GAS7: variants seen among roughly 807,000 people sequenced by gnomAD.
GAS7 encodes growth arrest-specific protein 7.
GAS7 carries 28 observed loss-of-function variants against 71.1 expected under a neutral mutation model. The observed-to-expected ratio is 0.39, with a 90% CI of 0.29 to 0.54. The LOEUF (loss-of-function observed/expected upper bound fraction) is 0.54. GAS7 is among the 20% of genes least tolerant of loss of function. GAS7 has a pLI of 0.62. For synonymous variants in GAS7, 258 were observed against 245.8 expected, an observed-to-expected ratio of 1.05 and a Z score of -0.46; for missense variants, 436 against 627.8, an observed-to-expected ratio of 0.69 and a Z score of 3.27.
At chr17:10,106,003 G>A (rs1567593955) in intron 1 of GAS7, among the ~76,000 whole-genome samples, 1 of 152,056 alleles carries the variant, frequency 6.6e-6, no homozygotes, top group African/African-American at 2.4e-5. Context: ...CCACCCAGGC[G>A]GGGCCTTTAT....
chr17:9,917,830 A>G (rs556225755), intron 13 of GAS7, among the ~76,000 whole-genome samples, 171 bp downstream of exon 13: 59 of 152,364 alleles, frequency 3.9e-4, no homozygotes, highest in African/African-American at 1.4e-3. Flanking sequence ...CGTCCAGGAC[A>G]ATCCTGAGAG....
intron 2 of GAS7, among the ~76,000 whole-genome samples, chr17:9,991,399 G>A (rs1388492293): frequency 6.6e-6 from 1 of 152,212 alleles, no homozygotes. Flanking sequence ...CAATCTTGGT[G>A]GGGAGCAGGG....
intron 2 of GAS7, among the ~76,000 whole-genome samples, chr17:10,008,100 T>C (rs906975569): frequency 6.6e-5 from 10 of 152,238 alleles, no homozygotes; most frequent in African/African-American, 2.4e-4. Flanking sequence ...TACCATTGTA[T>C]GGCTAAAACC....
intron 10 of GAS7, 26 bp from the exon 11 acceptor site, chr17:9,925,625 T>C: frequency 6.2e-7 from 1 of 1,613,856 alleles, no homozygotes; most frequent in Non-Finnish European, 8.5e-7. Flanking sequence ...ACGGAGAAGC[T>C]GCTCATACAG....
At position 10,198,349 on chromosome 17, in the gene GAS7, C is replaced by T. The variant is rs1429581590; in HGVS notation, c.42G>A (p.Gly14=). 1 of 1,598,538 alleles carries T rather than the reference C, an allele frequency of 6.3e-7. No homozygotes were observed. Reference sequence around the variant, plus strand: ...AGCGCAGCCCCTGGCCGTGCCGCTCCCCGGAGAAGGGGTACAGGGTCCGGC... The same window carrying T: ...AGCGCAGCCCCTGGCCGTGCCGCTCTCCGGAGAAGGGGTACAGGGTCCGGC... ...ARCRTLYPFS[G]ERHGQGLRFA... is the part of the protein sequence containing the mutation. The change falls in exon 1 of 14, where the codon GGG becomes GGA. Residue 14 remains glycine, a synonymous_variant. Coordinates refer to ENST00000432992, the MANE Select transcript of GAS7 (RefSeq NM_201433.2).
intron 1 of GAS7, among the ~76,000 whole-genome samples, chr17:10,031,429 G>C (rs376296503): frequency 6.6e-6 from 1 of 152,314 alleles, no homozygotes; most frequent in South Asian, 2.1e-4. Flanking sequence ...AGTCTCCGGG[G>C]GGACAAGGAT....
chr17:10,126,419 C>A (rs1001574031), intron 1 of GAS7, among the ~76,000 whole-genome samples: 1 of 151,078 alleles, frequency 6.6e-6, no homozygotes, highest in Non-Finnish European at 1.5e-5. Flanking sequence ...CAAACACGCA[C>A]ACACAAACAC....
At chr17:9,982,816 G>A (rs1194328073) in intron 2 of GAS7, among the ~76,000 whole-genome samples, 1 of 80,414 alleles carries the variant, frequency 1.2e-5, no homozygotes, top group East Asian at 2.8e-4. Flanking sequence ...GGAAAGAAAG[G>A]AAAGAAAGGA....
intron 1 of GAS7, among the ~76,000 whole-genome samples, chr17:10,151,428 A>C: frequency 6.6e-6 from 1 of 151,850 alleles, no homozygotes; most frequent in East Asian, 1.9e-4. Context: ...CAAAACTGTC[A>C]CATGTTCATT....
At chr17:9,995,963 T>C (rs892673144) in intron 2 of GAS7, among the ~76,000 whole-genome samples, 1 of 152,156 alleles carries the variant, frequency 6.6e-6, no homozygotes, top group Non-Finnish European at 1.5e-5. Flanking sequence ...GTACAAAAGG[T>C]TCTCACTTTA....
intron 1 of GAS7, among the ~76,000 whole-genome samples, chr17:10,137,294 G>T (rs191310936): frequency 1.2e-3 from 182 of 151,984 alleles, no homozygotes; most frequent in African/African-American, 4.3e-3. Context: ...TAAGTTCTCT[G>T]CTCCAATGTC....
chr17:9,930,097 G>A (rs898132107), intron 9 of GAS7, among the ~76,000 whole-genome samples: 29 of 152,310 alleles, frequency 1.9e-4, no homozygotes, highest in African/African-American at 6.7e-4. Flanking sequence ...TCGATTTAAT[G>A]GGCCAGGACC....
chr17:10,126,185 G>T (rs1361056319), intron 1 of GAS7, among the ~76,000 whole-genome samples: 1 of 152,294 alleles, frequency 6.6e-6, no homozygotes, highest in East Asian at 1.9e-4. Context: ...TGGGGGAGTC[G>T]CTTCTCAGAC....
intron 1 of GAS7, among the ~76,000 whole-genome samples, chr17:10,123,891 G>A (rs994593139): frequency 1.1e-4 from 17 of 152,268 alleles, no homozygotes; most frequent in African/African-American, 3.4e-4. Flanking sequence ...GGGGGGCCCC[G>A]GACAGACACA....
chr17:10,120,109 C>A, intron 1 of GAS7, among the ~76,000 whole-genome samples: 2 of 150,488 alleles, frequency 1.3e-5, no homozygotes, highest in South Asian at 2.1e-4. Flanking sequence ...CCCCTGCCCC[C>A]GCCCCGTGAC....
chr17:10,083,646 T>C (rs545636522), intron 1 of GAS7, among the ~76,000 whole-genome samples: 69 of 152,334 alleles, frequency 4.5e-4, no homozygotes, highest in African/African-American at 1.6e-3. Flanking sequence ...AAGAATTTTA[T>C]TGAATGATGA....
rs368282531 is a variant in GAS7, at chr17:9,969,800, C to T, written c.386-38G>A. On this transcript the variant is annotated intron_variant, in intron 3 of 13. Coordinates refer to ENST00000432992, the MANE Select transcript of GAS7 (RefSeq NM_201433.2). This position sits in a 1 kb window ranked among gnomAD's most constrained non-coding sequence, Gnocchi z 5.5. Reference sequence around the variant, plus strand: ...AGACACGGCTCAGATGCTGTGTGGGCCACAGATGGGCACCCCCGCCTTTCG... The same window carrying T: ...AGACACGGCTCAGATGCTGTGTGGGTCACAGATGGGCACCCCCGCCTTTCG... The T allele has an allele frequency of 4.3e-5, 58 of 1,343,840 alleles. No individual in the cohort carries two copies. Among genetic ancestry groups the T allele is most frequent in the Non-Finnish European group, 5.5e-5 (51 of 934,174 alleles). 83.2% of individuals were successfully genotyped at this position (1,343,840 alleles called of 1,614,324 possible). A position where few individuals can be genotyped will look rare whatever the true frequency, so the allele number is the denominator to read the frequency against.
intron 1 of GAS7, among the ~76,000 whole-genome samples, chr17:10,124,085 C>T (rs2073925469): frequency 6.6e-6 from 1 of 152,250 alleles, no homozygotes; most frequent in Admixed American, 6.5e-5. Flanking sequence ...ATGTGTGACT[C>T]TCCTTCCCGT....
chr17:10,022,562 CA>C (rs2152210078), intron 1 of GAS7, among the ~76,000 whole-genome samples: 1 of 152,314 alleles, frequency 6.6e-6, no homozygotes, highest in African/African-American at 2.4e-5. Context: ...GCCATGTGAC[CA>C]CAGGCTACTG....
Sources: gnomAD v4.1 joint callset for allele counts (sites outside exome capture counted in the v4.1 genomes callset) on GRCh38, gnomAD v4.1.1 for gene constraint, Gnocchi (gnomAD v3.1) non-coding constraint, MANE v1.5 for transcripts, NCBI Gene and HGNC (gene_info 2026-07-23, HGNC 2026-07-21) for gene names.